The following DCTN1 variants were observed in gnomAD, a reference collection of about 807,000 sequenced individuals.
DCTN1 encodes the protein 150 kDa dynein-associated polypeptide.
Under a neutral mutation model 161.2 loss-of-function variants are expected in DCTN1, and 61 were observed. The ratio of observed to expected loss-of-function variants is 0.38; its 90% CI spans 0.31 to 0.47. The LOEUF is 0.47. DCTN1 is among the 20% of genes least tolerant of loss of function. The pLI is 0.99. For missense variants in DCTN1, 1,404 were observed against 1,623.7 expected, an observed-to-expected ratio of 0.86 and a Z score of 2.33; for synonymous variants, 653 against 632.4, an observed-to-expected ratio of 1.03 and a Z score of -0.49.
In DCTN1 at chr2:74,370,264, T is replaced by A. The variant is rs766582435; in HGVS notation, c.1209A>T (p.Glu403Asp). 6.2e-7 allele frequency: 1 copy of A among 1,614,126 alleles called. No individual in the cohort carries two copies. Among genetic ancestry groups the A allele is most frequent in the African/African-American group, 1.3e-5 (1 of 75,070 alleles). Reference sequence around the variant, plus strand: ...GACGCTCCCGCTGTTGCCTCACAACTTCCAGCTCTTGGTTCTTCTTTTCCA... The same window carrying A: ...GACGCTCCCGCTGTTGCCTCACAACATCCAGCTCTTGGTTCTTCTTTTCCA... ...KLMEKKNQEL[E>D]VVRQQRERLQ... Residue 403 changes from glutamate (E) to aspartate (D), a missense_variant, in exon 12 of 32, where the codon GAA becomes GAT. Transcript: ENST00000628224. This position sits in a 1 kb window ranked among gnomAD's most constrained non-coding sequence, Gnocchi z 4.4.
chr2:74,374,206 C>G (rs761533682), intron 6 of DCTN1, 117 bp downstream of exon 6: 1 of 1,150,260 alleles, frequency 8.7e-7, no homozygotes, highest in South Asian at 1.3e-5. Flanking sequence ...TTCGTCCTCA[C>G]CCGCCTCCCC....
rs79796356 is a variant in DCTN1, at chr2:74,388,310, G to A, written c.-19+3484C>T. Among the ~76,000 whole-genome samples, 19 of 152,316 alleles carry A rather than the reference G, an allele frequency of 1.2e-4. No homozygotes were observed. In the East Asian group the frequency reaches 3.7e-3, roughly 29 times the overall value. ...GAGGCCAGGAGTTCAAGGCTGTAGT[G>A]CGTGATGATCTTGTCTGTGAATAGC... On this transcript the variant is annotated intron_variant, in intron 1 of 27. Coordinates refer to the DCTN1 transcript ENST00000409240.
intron 7 of DCTN1, chr2:74,372,000 G>T: frequency 2.3e-6 from 1 of 444,044 alleles, no homozygotes; most frequent in Admixed American, 3.7e-5. Context: ...AGATTATAAG[G>T]CTCCTCGCTT....
intron 1 of DCTN1, chr2:74,390,710 C>A: frequency 2.4e-6 from 1 of 421,586 alleles, no homozygotes; most frequent in Non-Finnish European, 5.0e-6. Flanking sequence ...GGGCCAGCAG[C>A]ATTAGCATCA....
Position 74,369,621 on chromosome 2 carries a change from T to C in DCTN1, c.1393-130A>G, listed in dbSNP as rs1674683645. ...CATGAGGTCGAGATCGAGATCATGC[T>C]GGCCAACATGGTGAAACCCCATCTC... On this transcript the variant is annotated intron_variant, in intron 13 of 31. Transcript: ENST00000628224. This position sits in a 1 kb window ranked among gnomAD's most constrained non-coding sequence, Gnocchi z 4.9. The C allele has an allele frequency of 2.1e-6, 2 of 959,674 alleles. No homozygotes were observed. Among genetic ancestry groups the C allele is most frequent in the Admixed American group, 1.8e-5 (1 of 57,012 alleles). The allele number at this position is 959,674 out of a possible 1,614,324, so 59.4% of individuals were successfully genotyped here.
chr2:74,362,089 G>C lies in DCTN1; in HGVS notation c.3662C>G (p.Thr1221Ser). The change falls in exon 31 of 32, where the codon ACT becomes AGT. Residue 1221 changes from threonine to serine, a missense_variant. Around this residue, in one of 9 missense-constraint regions of DCTN1, gnomAD observed 311 missense variants for 298.9 expected, o/e 1.04. Transcript: ENST00000628224. ...TGATGAAGGGAAGGTGGCAAAGTCA[G>C]TGGGTACTGTGGCTCCAGGGCGCTG... is the stretch of plus-strand genomic sequence containing the variant. ...VSQRPGATVPTDFATFPSSAF... is the reference protein window; with the variant it reads ...VSQRPGATVPSDFATFPSSAF... 2 of 1,613,916 alleles carry C rather than the reference G, an allele frequency of 1.2e-6. No homozygotes were observed. Among genetic ancestry groups the C allele is most frequent in the Non-Finnish European group, 1.7e-6 (2 of 1,179,894 alleles).
rs751393307 is a variant in DCTN1, at chr2:74,370,213, C to G, written c.1260G>C (p.Glu420Asp). The stretch of plus-strand genomic sequence containing the variant: ...GCTCCTTGAGCTCATCAATGGTGCT[C>G]TCTGCCTGGCTTAGCTCCTCCTGCA... ...ERLQEELSQA[E>D]STIDELKEQV... Residue 420 changes from glutamate (E) to aspartate (D), a missense_variant, in exon 12 of 32, where the codon GAG (glutamate) becomes GAC (aspartate). Physicochemically the swap from Glu to Asp is conservative, Grantham distance 45 (BLOSUM62 2). Transcript: ENST00000628224. The surrounding 1 kb of genome is among the most constrained non-coding windows in gnomAD (Gnocchi z 4.4). The G allele has an allele frequency of 6.2e-7, 1 of 1,613,970 alleles. No homozygotes were observed. The highest frequency in any genetic ancestry group is 8.5e-7 in the Non-Finnish European group (1 of 1,180,036).
At position 74,365,590 on chromosome 2, in the gene DCTN1, T is replaced by C. The variant is rs751782015; in HGVS notation, c.2954A>G (p.Lys985Arg). Residue 985 changes from lysine (K) to arginine (R), a missense_variant, in exon 25 of 32, where the codon AAG becomes AGG. Transcript: ENST00000628224. ...LLEKKLDSAAKDADERIEKVQ... is the reference protein window; with the variant it reads ...LLEKKLDSAARDADERIEKVQ... ...TTTCTCGATGCGCTCATCTGCATCC[T>C]TGGCAGCACTGTCCAACTTCTTCTC... The C allele has an allele frequency of 1.2e-4, 195 of 1,614,054 alleles. No homozygotes were observed. The highest frequency in any genetic ancestry group is 1.6e-4 in the Non-Finnish European group (189 of 1,180,042).
At chr2:74,365,702 G>A in intron 24 of DCTN1, 45 bp from the exon 25 acceptor site, 1 of 1,613,768 alleles carries the variant, frequency 6.2e-7, no homozygotes. Context: ...CCTCCCCACA[G>A]TCCCTGGAAA....
Position 74,368,745 on chromosome 2 carries a change from G to C in DCTN1, c.1837C>G (p.Pro613Ala). 6.2e-7 allele frequency: 1 copy of C among 1,614,220 alleles called. No homozygotes were observed. The highest frequency in any genetic ancestry group is 1.1e-5 in the South Asian group (1 of 91,088). ...GGCCATACCTTGCAAATGAGACGAG[G>C]CATGAGCAACAGCACCAGAACGCAG... is the stretch of plus-strand genomic sequence containing the variant. ...HDCVLVLLLM[P>A]RLICKAELIR... Residue 613 changes from proline (P) to alanine (A), a missense_variant, in exon 16 of 32, where the codon CCT becomes GCT. Around this residue, in one of 9 missense-constraint regions of DCTN1, gnomAD observed 475 missense variants for 489.8 expected, o/e 0.97. Transcript: ENST00000628224.
At chr2:74,365,438 G>A in intron 25 of DCTN1, 77 bp downstream of exon 25, 1 of 1,606,874 alleles carries the variant, frequency 6.2e-7, no homozygotes, top group African/African-American at 1.3e-5. Context: ...AACCTGAGTA[G>A]GGGTATGGGT....
At chr2:74,389,376 CAA>C (rs1675889321) in intron 1 of DCTN1, among the ~76,000 whole-genome samples, 1 of 152,104 alleles carries the variant, frequency 6.6e-6, no homozygotes, top group Admixed American at 6.5e-5. Flanking sequence ...ACAGATAGCC[CAA>C]GTGCCCCCAG....
In DCTN1 at chr2:74,365,055, G is replaced by A. The variant is rs772054129; in HGVS notation, c.3196+20C>T. ...AGACAATCTCCTCTGTGCTAGTGCT[G>A]CCTATTCCACAGTACTCACCACCAG... On this transcript the variant is annotated intron_variant, in intron 26 of 31. Transcript: ENST00000628224. The A allele has an allele frequency of 1.2e-6, 2 of 1,613,510 alleles. 1 individual carries two copies. Among genetic ancestry groups the A allele is most frequent in the South Asian group, 2.2e-5 (2 of 91,064 alleles).
Position 74,367,862 on chromosome 2 carries a change from G to A in DCTN1, c.2018C>T (p.Ala673Val). Residue 673 changes from alanine to valine, a missense_variant and splice_region_variant, in exon 18 of 32, where the codon GCC (alanine) becomes GTC (valine). By Grantham distance (64) the Ala-to-Val change is moderately conservative (BLOSUM62 0). Around this residue, in one of 9 missense-constraint regions of DCTN1, gnomAD observed 475 missense variants for 489.8 expected, o/e 0.97. Coordinates refer to ENST00000628224, the MANE Select transcript of DCTN1 (RefSeq NM_004082.5). Reference sequence around the variant, plus strand: ...CACATCCACACTGCACTGAGAGAGGGCACTAGAGACCAGAGAAGGGCACTG... The same window carrying A: ...CACATCCACACTGCACTGAGAGAGGACACTAGAGACCAGAGAAGGGCACTG... ...LQATLHRYEHALSQCSVDVYK... is the reference protein window; with the variant it reads ...LQATLHRYEHVLSQCSVDVYK... The A allele has an allele frequency of 1.2e-6, 2 of 1,614,212 alleles. No homozygotes were observed. The highest frequency in any genetic ancestry group is 1.7e-6 in the Non-Finnish European group (2 of 1,180,046).
At chr2:74,374,296 C>G (rs372745511) in intron 6 of DCTN1, 27 bp downstream of exon 6, 20 of 1,612,454 alleles carry the variant, frequency 1.2e-5, no homozygotes, top group Non-Finnish European at 1.5e-5. Flanking sequence ...GGCAACCCAG[C>G]AGCAGGACGA....
chr2:74,376,988 C>T (rs1416701899), intron 4 of DCTN1, among the ~76,000 whole-genome samples: 3 of 152,206 alleles, frequency 2.0e-5, no homozygotes, highest in Admixed American at 2.0e-4. Context: ...CAGAGAAGAA[C>T]TAGGAAGCAC....
intron 6 of DCTN1, among the ~76,000 whole-genome samples, chr2:74,373,725 G>A (rs1675038798): frequency 6.6e-6 from 1 of 152,210 alleles, no homozygotes; most frequent in Non-Finnish European, 1.5e-5. Context: ...TTTCCAAATA[G>A]TGTTCTTGCT....
At position 74,378,209 on chromosome 2, in the gene DCTN1, C is replaced by G. The variant is rs372733713; in HGVS notation, c.70G>C (p.Ala24Pro). ...SGSRMSAEAS[A>P]RPLRVGSRVE... ...CGGGAGCCCACCCGCAGAGGCCGGGCGCTTGCCTCCGCACTCATCCTGCTG... is the reference window on the plus strand; with the variant it reads ...CGGGAGCCCACCCGCAGAGGCCGGGGGCTTGCCTCCGCACTCATCCTGCTG... Residue 24 changes from alanine to proline, a missense_variant, in exon 2 of 32, where the codon GCC becomes CCC. By Grantham distance (27) the Ala-to-Pro change is conservative. Transcript: ENST00000628224. 6.2e-7 allele frequency: 1 copy of G among 1,611,438 alleles called. No individual in the cohort carries two copies.
Position 74,367,782 on chromosome 2 carries a change from C to T in DCTN1, c.2098G>A (p.Asp700Asn). The change falls in exon 18 of 32, where the codon GAT becomes AAT. Residue 700 changes from aspartate to asparagine, a missense_variant. Physicochemically the swap from Asp to Asn is conservative, Grantham distance 23. Around this residue, in one of 9 missense-constraint regions of DCTN1, gnomAD observed 475 missense variants for 489.8 expected, o/e 0.97. Coordinates refer to ENST00000628224, the MANE Select transcript of DCTN1 (RefSeq NM_004082.5). ...PEMSAHERSL[D>N]FLIELLHKDQ... ...TTGTGCAGCAGTTCAATGAGGAAAT[C>T]CAAGGAGCGCTCATGGGCACTCATC... 6.2e-7 allele frequency: 1 copy of T among 1,614,148 alleles called. No homozygotes were observed. The highest frequency in any genetic ancestry group is 8.5e-7 in the Non-Finnish European group (1 of 1,180,034).
Sources: allele counts gnomAD v4.1 joint callset (sites outside exome capture counted in the v4.1 genomes callset), GRCh38; gene constraint gnomAD v4.1.1; regional missense constraint gnomAD v4.1.1; non-coding constraint Gnocchi (gnomAD v3.1); transcripts MANE v1.5; gene names NCBI Gene and HGNC (gene_info 2026-07-23, HGNC 2026-07-21).